The following HRH2 variants were observed in gnomAD, a reference collection of about 807,000 sequenced individuals.
HRH2 encodes histamine H2 receptor.
Under a neutral mutation model 20.1 loss-of-function variants are expected in HRH2, and 4 were observed. That is an observed-to-expected ratio of 0.20 (90% CI 0.10 to 0.45). HRH2 has a LOEUF of 0.45. HRH2 is among the 20% of genes least tolerant of loss of function. HRH2 has a pLI of 0.99. For synonymous variants in HRH2, 197 were observed against 200.7 expected (o/e 0.98, Z 0.16); for missense variants, 250 against 461.6 (o/e 0.54, Z 4.20).
At chr5:175,692,991 G>C (rs552878131) in intron 2 of HRH2, among the ~76,000 whole-genome samples, 6 of 152,328 alleles carry the variant, frequency 3.9e-5, no homozygotes, top group East Asian at 3.9e-4. Flanking sequence ...GCTGGGCATA[G>C]GGCGGGACTG....
intron 2 of HRH2, among the ~76,000 whole-genome samples, chr5:175,698,460 C>A (rs1007801291): frequency 7.9e-5 from 12 of 152,202 alleles, no homozygotes; most frequent in African/African-American, 2.9e-4. Flanking sequence ...TAAACGCACA[C>A]ACTTGTTCTC....
chr5:175,684,174 A>G lies in HRH2; in HGVS notation c.941A>G (p.Lys314Arg), dbSNP rs763498242. 1 of 1,614,118 alleles carries G rather than the reference A, an allele frequency of 6.2e-7. No individual in the cohort carries two copies. The highest frequency in any genetic ancestry group is 8.5e-7 in the Non-Finnish European group (1 of 1,180,020). ...CCRLANRNSH[K>R]TSLRSNASQL... is the part of the protein sequence containing the mutation. ...AGGCTGGCCAACCGCAACTCCCACA[A>G]AACTTCTCTGAGGTCCAACGCCTCT... The change falls in exon 2 of 3, where the codon AAA (lysine) becomes AGA (arginine). Residue 314 changes from lysine (K) to arginine (R), a missense_variant. By Grantham distance (26) the Lys-to-Arg change is conservative (BLOSUM62 2). Transcript: ENST00000636584.
At chr5:175,666,965 T>C (rs1463300047) in intron 1 of HRH2, among the ~76,000 whole-genome samples, 1 of 152,134 alleles carries the variant, frequency 6.6e-6, no homozygotes, top group African/African-American at 2.4e-5. Flanking sequence ...GGGGTTTCTT[T>C]TGTTCATTTG....
Position 175,693,507 on chromosome 5 carries a change from T to G in HRH2, c.1076+9198T>G, listed in dbSNP as rs1035817923. Among the ~76,000 whole-genome samples the G allele has an allele frequency of 2.0e-5, 3 of 152,194 alleles. No homozygotes were observed. The highest frequency in any genetic ancestry group is 7.2e-5 in the African/African-American group (3 of 41,448). ...TCCATGGAGGACACTCAGTCCCTCC[T>G]CACGTGAGGACTGACCACATCCCTT... On this transcript the variant is annotated intron_variant, in intron 2 of 2. Transcript: ENST00000636584. This position sits in a 1 kb window ranked among gnomAD's most constrained non-coding sequence, Gnocchi z 4.4.
chr5:175,678,253 G>A (rs1201154542), intron 1 of HRH2, among the ~76,000 whole-genome samples: 1 of 152,176 alleles, frequency 6.6e-6, no homozygotes, highest in Non-Finnish European at 1.5e-5. Flanking sequence ...GTCTTCACCC[G>A]GAAGCTGCTC....
In HRH2 at chr5:175,677,704, G is replaced by A. The variant is rs1021949932; in HGVS notation, c.-525-5005G>A. On this transcript the variant is annotated intron_variant, in intron 1 of 2. Transcript: ENST00000636584. The surrounding 1 kb of genome is among the most constrained non-coding windows in gnomAD (Gnocchi z 4.2). ...GGCACCTGGAACATTTGAAGTGGTC[G>A]ATGACAGGGGAAAAGTTCTGAGAAC... is the stretch of plus-strand genomic sequence containing the variant. 3.9e-5 allele frequency among the ~76,000 whole-genome samples: 6 copies of A among 152,192 alleles called. No individual in the cohort carries two copies. The highest frequency in any genetic ancestry group is 1.4e-4 in the African/African-American group (6 of 41,452).
chr5:175,704,516 A>G (rs1485902166), intron 2 of HRH2, among the ~76,000 whole-genome samples: 1 of 152,208 alleles, frequency 6.6e-6, no homozygotes, highest in Non-Finnish European at 1.5e-5. Flanking sequence ...AACCTGAGGA[A>G]ACACTAACAA....
chr5:175,685,036 C>T (rs564245756), intron 2 of HRH2, among the ~76,000 whole-genome samples: 10 of 152,210 alleles, frequency 6.6e-5, no homozygotes, highest in African/African-American at 2.4e-4. Context: ...GGCACTGACT[C>T]ATGAGAGAGG....
rs141467214 is a variant in HRH2 at position 175,687,645 on chromosome 5, G to A, written c.1076+3336G>A. On this transcript the variant is annotated intron_variant, in intron 2 of 2. Transcript: ENST00000636584. The surrounding 1 kb of genome is among the most constrained non-coding windows in gnomAD (Gnocchi z 5.2). ...TTCGAGAACCTGCTGGCTGCCTTAT[G>A]GGCAGACACCATCCGCCCCTTCCTG... is the stretch of plus-strand genomic sequence containing the variant. Among the ~76,000 whole-genome samples the A allele has an allele frequency of 7.6e-3, 1,154 of 152,012 alleles. 9 individuals carry two copies. The highest frequency in any genetic ancestry group is 0.013 in the South Asian group (64 of 4,818).
At chr5:175,668,959 G>C (rs986620813) in intron 1 of HRH2, among the ~76,000 whole-genome samples, 2 of 152,308 alleles carry the variant, frequency 1.3e-5, no homozygotes, top group Admixed American at 1.3e-4. Flanking sequence ...CAATCGTGCA[G>C]TTCCTCAGGA....
chr5:175,683,138 A>C lies in HRH2; in HGVS notation c.-96A>C. The C allele has an allele frequency of 5.4e-6, 5 of 930,540 alleles. No homozygotes were observed. Among genetic ancestry groups the C allele is most frequent in the African/African-American group, 1.9e-5 (1 of 51,732 alleles). 57.6% of individuals were successfully genotyped at this position (930,540 alleles called of 1,614,324 possible). A position where few individuals can be genotyped will look rare whatever the true frequency, so the allele number is the denominator to read the frequency against. On this transcript the variant is annotated 5_prime_UTR_variant, in exon 2 of 3. Coordinates refer to ENST00000636584, the MANE Select transcript of HRH2 (RefSeq NM_001367711.1). Reference sequence around the variant, plus strand: ...CTGGACACATTTTGGATCTGTTGGGAGCTTGGAGTCCAGTGGTTGGCATAG... The same window carrying C: ...CTGGACACATTTTGGATCTGTTGGGCGCTTGGAGTCCAGTGGTTGGCATAG...
chr5:175,664,242 T>C (rs748446913), intron 1 of HRH2, among the ~76,000 whole-genome samples: 5 of 152,164 alleles, frequency 3.3e-5, no homozygotes, highest in Admixed American at 1.3e-4. Flanking sequence ...GGGAGAATGA[T>C]CTAACAGCCA....
intron 1 of HRH2, among the ~76,000 whole-genome samples, chr5:175,667,402 C>G (rs1762933409): frequency 6.6e-6 from 1 of 151,976 alleles, no homozygotes; most frequent in Non-Finnish European, 1.5e-5. Flanking sequence ...CAAGATTGCA[C>G]CATTGCACTC....
intron 1 of HRH2, among the ~76,000 whole-genome samples, chr5:175,679,160 A>G (rs1403601530): frequency 6.6e-6 from 1 of 152,210 alleles, no homozygotes; most frequent in Non-Finnish European, 1.5e-5. Context: ...GATAGAAGAG[A>G]AAAGTGGTAT....
intron 1 of HRH2, among the ~76,000 whole-genome samples, chr5:175,676,003 C>T (rs114524600): frequency 0.015 from 2,223 of 152,206 alleles, 57 homozygotes; most frequent in African/African-American, 0.051. Flanking sequence ...TGCGTGGGTA[C>T]GCACACGTGT....
At chr5:175,682,251 A>G (rs866509115) in intron 1 of HRH2, among the ~76,000 whole-genome samples, 10 of 152,350 alleles carry the variant, frequency 6.6e-5, no homozygotes, top group Admixed American at 2.0e-4. Context: ...ATTTTGCCAA[A>G]CAGCAGCACC....
chr5:175,706,640 C>T (rs1581473115), intron 2 of HRH2, among the ~76,000 whole-genome samples: 2 of 152,314 alleles, frequency 1.3e-5, no homozygotes, highest in East Asian at 3.9e-4. Context: ...AAAGGACGCC[C>T]ACAGGCTCTG....
chr5:175,694,424 A>G (rs1756498374), intron 2 of HRH2, among the ~76,000 whole-genome samples: 1 of 151,866 alleles, frequency 6.6e-6, no homozygotes, highest in Non-Finnish European at 1.5e-5. Flanking sequence ...TTCTCTATCC[A>G]TGGCACCTGC....
chr5:175,684,369 G>A (rs1756094831), intron 2 of HRH2, 60 bp downstream of exon 2: 1 of 1,571,566 alleles, frequency 6.4e-7, no homozygotes, highest in Non-Finnish European at 8.6e-7. Flanking sequence ...GCTACTGATG[G>A]GAATGATTAA....
Sources: gnomAD v4.1 joint callset for allele counts (sites outside exome capture counted in the v4.1 genomes callset) on GRCh38, gnomAD v4.1.1 for gene constraint, Gnocchi (gnomAD v3.1) non-coding constraint, MANE v1.5 for transcripts, NCBI Gene and HGNC (gene_info 2026-07-23, HGNC 2026-07-21) for gene names.